Variants in HMGCLL1 observed in about 807,000 individuals in gnomAD.
The protein encoded by HMGCLL1 is 3-hydroxymethyl-3-methylglutaryl-CoA lyase, cytoplasmic.
In HMGCLL1, 36 loss-of-function variants were observed where a neutral mutation model predicts 39.1. That is an observed-to-expected ratio of 0.92 (90% CI 0.71 to 1.22). The LOEUF (loss-of-function observed/expected upper bound fraction) is 1.22. Ranked by LOEUF, HMGCLL1 falls within the 50% of genes most tolerant of loss-of-function variation. The probability of loss-of-function intolerance (pLI) is 0.00; values close to 1 mark genes in which losing one functional copy is unlikely to be tolerated. For synonymous variants in HMGCLL1, 149 were observed against 144.0 expected (o/e 1.03, Z -0.25); for missense variants, 451 against 416.5 (o/e 1.08, Z -0.72).
chr6:55,541,682 G>T, intron 3 of HMGCLL1, 47 bp downstream of exon 3: 2 of 896,616 alleles, frequency 2.2e-6, no homozygotes, highest in Non-Finnish European at 1.8e-6. Flanking sequence ...AATATTTTTT[G>T]GTGAAGTTGA....
chr6:55,640,571 G>A, the HMGCLL1 span, among the ~76,000 whole-genome samples: 3 of 151,682 alleles, frequency 2.0e-5, no homozygotes, highest in South Asian at 2.1e-4. Context: ...GTTATCACTA[G>A]CACTATAATG....
chr6:55,665,342 G>A, the HMGCLL1 span, among the ~76,000 whole-genome samples: 1 of 151,550 alleles, frequency 6.6e-6, no homozygotes, highest in Admixed American at 6.6e-5. Context: ...CCCAAATAAG[G>A]GTGTGGCTGT....
chr6:55,609,788 G>A, the HMGCLL1 span, among the ~76,000 whole-genome samples: 1 of 152,016 alleles, frequency 6.6e-6, no homozygotes, highest in Non-Finnish European at 1.5e-5. Context: ...GCATCATGTC[G>A]GTGCCCCTTG....
At chr6:55,541,367 G>C (rs1769422711) in intron 3 of HMGCLL1, among the ~76,000 whole-genome samples, 1 of 152,126 alleles carries the variant, frequency 6.6e-6, no homozygotes, top group African/African-American at 2.4e-5. Context: ...AAGCTATCAG[G>C]CTACTTATTA....
intron 7 of HMGCLL1, among the ~76,000 whole-genome samples, chr6:55,469,472 T>C (rs944026654): frequency 7.4e-5 from 11 of 148,316 alleles, no homozygotes; most frequent in African/African-American, 2.5e-4. Flanking sequence ...TATATATGTG[T>C]GTGTGTGTGT....
intron 7 of HMGCLL1, among the ~76,000 whole-genome samples, chr6:55,464,143 G>T (rs953933086): frequency 3.3e-5 from 5 of 151,976 alleles, no homozygotes; most frequent in South Asian, 2.1e-4. Context: ...AATTCCAAGA[G>T]AATTTAATTC....
intron 7 of HMGCLL1, among the ~76,000 whole-genome samples, chr6:55,463,280 C>A (rs1420294301): frequency 6.6e-6 from 1 of 152,152 alleles, no homozygotes; most frequent in Non-Finnish European, 1.5e-5. Flanking sequence ...AAACCGCCTA[C>A]CTCGGCCTCC....
the HMGCLL1 span, among the ~76,000 whole-genome samples, chr6:55,630,758 AG>A: frequency 1.5e-5 from 2 of 135,136 alleles, no homozygotes; most frequent in African/African-American, 2.9e-5. Context: ...CTCCTACACA[AG>A]CTCTCTTTGC....
At chr6:55,589,633 G>A in the HMGCLL1 span, among the ~76,000 whole-genome samples, 1 of 152,106 alleles carries the variant, frequency 6.6e-6, no homozygotes, top group African/African-American at 2.4e-5. Context: ...CAGATCACAT[G>A]ATTGTATATC....
At chr6:55,628,052 G>T in the HMGCLL1 span, among the ~76,000 whole-genome samples, 1 of 120 alleles carries the variant, frequency 8.3e-3, no homozygotes, top group Non-Finnish European at 0.01. Context: ...TATATATATA[G>T]TATAATATAT....
intron 3 of HMGCLL1, among the ~76,000 whole-genome samples, chr6:55,534,634 C>A (rs150935858): frequency 0.023 from 3,528 of 152,214 alleles, 62 homozygotes; most frequent in South Asian, 0.094. Context: ...GCCCAAGCCC[C>A]CTGCCCCTGC....
At chr6:55,612,581 T>C in the HMGCLL1 span, among the ~76,000 whole-genome samples, 4 of 152,154 alleles carry the variant, frequency 2.6e-5, no homozygotes, top group African/African-American at 9.7e-5. Flanking sequence ...CAAAACAGCA[T>C]GGTACTGGTA....
At chr6:55,654,539 C>T in the HMGCLL1 span, among the ~76,000 whole-genome samples, 1 of 151,850 alleles carries the variant, frequency 6.6e-6, no homozygotes, top group Non-Finnish European at 1.5e-5. Flanking sequence ...CTACTATCTT[C>T]CTGGCAATTA....
chr6:55,435,803 T>A (rs1763346704), intron 8 of HMGCLL1, 40 bp from the exon 9 acceptor site: 2 of 1,063,754 alleles, frequency 1.9e-6, no homozygotes, highest in Non-Finnish European at 2.7e-6. Context: ...GGCAGAGGGA[T>A]TAGAGAGAAA....
At chr6:55,457,883 C>T (rs1000953163) in intron 7 of HMGCLL1, among the ~76,000 whole-genome samples, 5 of 152,152 alleles carry the variant, frequency 3.3e-5, no homozygotes, top group South Asian at 4.2e-4. Context: ...CACCAGAATA[C>T]GAAAATTTCC....
intron 3 of HMGCLL1, among the ~76,000 whole-genome samples, chr6:55,533,830 G>A (rs1768838684): frequency 1.4e-5 from 2 of 139,234 alleles, no homozygotes; most frequent in Non-Finnish European, 1.5e-5. Flanking sequence ...AGCTTGCAGT[G>A]AGCCGAGATC....
the HMGCLL1 span, among the ~76,000 whole-genome samples, chr6:55,653,875 TA>T: frequency 1.3e-5 from 2 of 151,378 alleles, no homozygotes; most frequent in Admixed American, 1.3e-4. Context: ...AGACCTGTAT[TA>T]ACCCTCCCAT....
In HMGCLL1 at chr6:55,528,499, C is replaced by T. The variant is rs115172773; in HGVS notation, c.298-11896G>A. Among the ~76,000 whole-genome samples the T allele has an allele frequency of 2.0e-3, 306 of 152,128 alleles. 2 individuals carry two copies. Among genetic ancestry groups the T allele is most frequent in the Middle Eastern group, 6.8e-3 (2 of 294 alleles). On this transcript the variant is annotated intron_variant, in intron 3 of 8. Coordinates refer to ENST00000274901, the MANE Select transcript of HMGCLL1 (RefSeq NM_001042406.2). ...GGGTACAGTAACCCTGTCTCATTCA[C>T]AGACTCCTTGCACAAACCCCATATA...
At chr6:55,542,936 ATATT>A (rs1443718850) in intron 1 of HMGCLL1, among the ~76,000 whole-genome samples, 2 of 126,844 alleles carry the variant, frequency 1.6e-5, no homozygotes, top group Non-Finnish European at 3.1e-5. Context: ...TTATATTACT[ATATT>A]TATAAGTGTA....
Sources: allele counts gnomAD v4.1 joint callset (sites outside exome capture counted in the v4.1 genomes callset), GRCh38; gene constraint gnomAD v4.1.1; transcripts MANE v1.5; gene names NCBI Gene and HGNC (gene_info 2026-07-23, HGNC 2026-07-21).